C10orf67: variants seen among roughly 807,000 people sequenced by gnomAD.
C10orf67 encodes the protein chromosome 10 open reading frame 67, also known as uncharacterized protein C10orf67, mitochondrial.
In C10orf67, 60 loss-of-function variants were observed where a neutral mutation model predicts 35.6. The observed-to-expected ratio is 1.68, with a 90% CI of 1.37 to 2.09. The LOEUF (loss-of-function observed/expected upper bound fraction) is 2.09. Among genes scored for constraint, C10orf67 ranks in the 30% most tolerant of loss-of-function variants. The pLI is 0.00. For synonymous variants in C10orf67, 167 were observed against 115.8 expected (o/e 1.44, Z -2.84); for missense variants, 474 against 330.2 (o/e 1.44, Z -3.38).
intron 4 of C10orf67, among the ~76,000 whole-genome samples, chr10:23,304,596 C>T (rs373634241): frequency 6.6e-6 from 1 of 152,238 alleles, no homozygotes; most frequent in African/African-American, 2.4e-5. Flanking sequence ...GGAGGCACAC[C>T]TTTCTATGTC....
At chr10:23,204,653 T>A (rs1841111398) in intron 15 of C10orf67, among the ~76,000 whole-genome samples, 1 of 152,222 alleles carries the variant, frequency 6.6e-6, no homozygotes, top group Non-Finnish European at 1.5e-5. Context: ...TTTCCAAGTT[T>A]TAAATTTCCA....
At chr10:23,238,533 C>T (rs1441652118) in intron 13 of C10orf67, among the ~76,000 whole-genome samples, 4 of 152,172 alleles carry the variant, frequency 2.6e-5, no homozygotes, top group African/African-American at 9.6e-5. Context: ...AATACTGGAT[C>T]TACTCCTGTG....
In C10orf67 at chr10:23,206,628, G is replaced by GT. The variant is rs1450353879; in HGVS notation, c.1571-2374dup. On this transcript the variant is annotated intron_variant, in intron 15 of 15. Transcript: ENST00000636213. ...TACCATGAATAAAGATTGTTTTTCT[G>GT]TTTAATGTGGTGGGCCTGATTTGGT... Among the ~76,000 whole-genome samples the GT allele has an allele frequency of 1.8e-4, 27 of 152,156 alleles. 1 individual carries two copies. Among genetic ancestry groups the GT allele is most frequent in the Admixed American group, 1.8e-3 (27 of 15,278 alleles).
chr10:23,219,891 A>C (rs1053939353), intron 15 of C10orf67, among the ~76,000 whole-genome samples: 1 of 152,230 alleles, frequency 6.6e-6, no homozygotes, highest in African/African-American at 2.4e-5. Flanking sequence ...AGGAGGCTGG[A>C]CACAGTGGTT....
At chr10:23,209,040 A>G (rs929771322) in intron 15 of C10orf67, among the ~76,000 whole-genome samples, 1 of 152,076 alleles carries the variant, frequency 6.6e-6, no homozygotes, top group Admixed American at 6.6e-5. Context: ...AGATGAAGGC[A>G]TGTGTACAGG....
chr10:23,235,776 ATTAAAATTACAGTGAGATAACATT>A (rs1169632534), intron 13 of C10orf67, among the ~76,000 whole-genome samples: 5 of 152,224 alleles, frequency 3.3e-5, no homozygotes, highest in Non-Finnish European at 7.3e-5. Context: ...GGAAATGCAA[ATTAAAATTACAGTGAGATAACATT>A]TTAAAATAGT....
rs560450063 is a variant in C10orf67 at position 23,273,065 on chromosome 10, C to A, written c.976-5811G>T. On this transcript the variant is annotated intron_variant, in intron 8 of 15. Transcript: ENST00000636213. Reference sequence around the variant, plus strand: ...ACCTTTCTGCATTCACTTATTAATTCTAGTAGCTATTTTTGTAGATTTGTT... The same window carrying A: ...ACCTTTCTGCATTCACTTATTAATTATAGTAGCTATTTTTGTAGATTTGTT... Among the ~76,000 whole-genome samples, 130 of 152,160 alleles carry A rather than the reference C, an allele frequency of 8.5e-4. 1 individual carries two copies. The highest frequency in any genetic ancestry group is 2.9e-3 in the African/African-American group (121 of 41,518).
intron 4 of C10orf67, among the ~76,000 whole-genome samples, chr10:23,313,545 G>A (rs970811093): frequency 3.3e-5 from 5 of 152,140 alleles, no homozygotes; most frequent in African/African-American, 9.7e-5. Context: ...AGTAAGACTC[G>A]GTCCCTGCTC....
At chr10:23,333,236 T>C (rs1845550632) in intron 1 of C10orf67, 54 bp from the exon 2 acceptor site, 1 of 1,467,896 alleles carries the variant, frequency 6.8e-7, no homozygotes, top group Non-Finnish European at 9.4e-7. Flanking sequence ...TTCTTAGAAA[T>C]AGATGTTAAT....
intron 2 of C10orf67, among the ~76,000 whole-genome samples, chr10:23,327,789 C>T (rs1029491758): frequency 4.0e-5 from 6 of 151,078 alleles, no homozygotes; most frequent in African/African-American, 1.5e-4. Context: ...CGCACCACTG[C>T]ACTCCAGCCT....
intron 12 of C10orf67, among the ~76,000 whole-genome samples, chr10:23,241,240 A>G (rs533818788): frequency 6.6e-6 from 1 of 152,334 alleles, no homozygotes. Context: ...CTTTCGCACT[A>G]TTGTATTTGG....
At chr10:23,338,215 G>A (rs981487032) in intron 1 of C10orf67, among the ~76,000 whole-genome samples, 6 of 152,166 alleles carry the variant, frequency 3.9e-5, no homozygotes, top group South Asian at 2.1e-4. Context: ...TGTGGATATC[G>A]TTCAGTTTCC....
At chr10:23,229,975 G>T (rs993365213) in intron 13 of C10orf67, among the ~76,000 whole-genome samples, 5 of 151,644 alleles carry the variant, frequency 3.3e-5, no homozygotes, top group Non-Finnish European at 4.4e-5. Flanking sequence ...CTTTTGTTTT[G>T]TTTTTTTCTG....
chr10:23,232,726 G>GAAAA (rs757245264), intron 13 of C10orf67, among the ~76,000 whole-genome samples: 1 of 152,064 alleles, frequency 6.6e-6, no homozygotes, highest in Non-Finnish European at 1.5e-5. Flanking sequence ...AAATGTCAAG[G>GAAAA]AAAAGAACAA....
chr10:23,322,150 G>T (rs1198710247), intron 3 of C10orf67, among the ~76,000 whole-genome samples: 1 of 152,120 alleles, frequency 6.6e-6, no homozygotes, highest in East Asian at 1.9e-4. Context: ...TTTCTCATCT[G>T]TAAAAGAGGG....
intron 8 of C10orf67, among the ~76,000 whole-genome samples, chr10:23,278,064 T>G (rs890058809): frequency 3.3e-5 from 5 of 152,320 alleles, no homozygotes; most frequent in African/African-American, 1.2e-4. Context: ...TCATGGGAGA[T>G]GACGCTAAAC....
At chr10:23,263,493 A>G (rs549400230) in intron 10 of C10orf67, among the ~76,000 whole-genome samples, 2 of 152,236 alleles carry the variant, frequency 1.3e-5, no homozygotes, top group South Asian at 4.1e-4. Context: ...GTTTAAAAAA[A>G]GAAGTTCTAG....
intron 4 of C10orf67, among the ~76,000 whole-genome samples, chr10:23,320,274 G>A (rs1299586910): frequency 6.6e-6 from 1 of 152,190 alleles, no homozygotes; most frequent in African/African-American, 2.4e-5. Context: ...ACAAAGCACA[G>A]AGTCTTTGCT....
chr10:23,316,781 C>A (rs779300275), intron 4 of C10orf67: 1 of 152,390 alleles, frequency 6.6e-6, no homozygotes, highest in Non-Finnish European at 1.5e-5. Context: ...GAGAAGACCC[C>A]ACAGCGAATA....
Sources: allele counts gnomAD v4.1 joint callset (sites outside exome capture counted in the v4.1 genomes callset), GRCh38; gene constraint gnomAD v4.1.1; transcripts MANE v1.5; gene names NCBI Gene and HGNC (gene_info 2026-07-23, HGNC 2026-07-21).